XDH: variants seen among roughly 807,000 people sequenced by gnomAD.
The protein encoded by XDH is xanthine dehydrogenase/oxidase.
A neutral mutation model predicts 156.1 loss-of-function variants in XDH; 138 were observed. The observed-to-expected ratio is 0.88, with a 90% CI of 0.77 to 1.02. The LOEUF is 1.02. Ranked by LOEUF, XDH falls within the 50% of genes least tolerant of loss-of-function variation. XDH has a pLI of 0.00. For synonymous variants in XDH, 669 were observed against 625.7 expected (o/e 1.07, Z -1.03); for missense variants, 1,849 against 1,684.9 (o/e 1.10, Z -1.71).
rs760391595 is a variant in XDH at position 31,335,324 on chromosome 2, T to C, written c.*634A>G. 2.6e-5 allele frequency: 4 copies of C among 155,960 alleles called. No individual in the cohort carries two copies. The highest frequency in any genetic ancestry group is 1.9e-4 in the South Asian group (1 of 5,190). The allele number at this position is 155,960 out of a possible 1,614,324, so 9.7% of individuals were successfully genotyped here. ...CTAGAACATTGTACGTGCTCAATAA[T>C]TGAGTTGGTTGGATTTTTGTATTAT... is the stretch of plus-strand genomic sequence containing the variant. On this transcript the variant is annotated 3_prime_UTR_variant, in exon 36 of 36. Transcript: ENST00000379416.
Position 31,349,542 on chromosome 2 carries a change from A to G in XDH, c.2969+144T>C, listed in dbSNP as rs1422135952. On this transcript the variant is annotated intron_variant, in intron 26 of 35. Coordinates refer to ENST00000379416, the MANE Select transcript of XDH (RefSeq NM_000379.4). Reference sequence around the variant, plus strand: ...GGGCTGAAGATCATTATAAGATCTTAAAGAGATGGCTGTGAATGAGTTGGC... The same window carrying G: ...GGGCTGAAGATCATTATAAGATCTTGAAGAGATGGCTGTGAATGAGTTGGC... 6.6e-6 allele frequency: 8 copies of G among 1,217,152 alleles called. No homozygotes were observed. In the African/African-American group the frequency reaches 1.2e-4, roughly 18 times the overall value. The allele number at this position is 1,217,152 out of a possible 1,614,324, so 75.4% of individuals were successfully genotyped here.
intron 6 of XDH, among the ~76,000 whole-genome samples, chr2:31,397,164 A>C (rs1309595523): frequency 6.6e-6 from 1 of 152,222 alleles, no homozygotes; most frequent in East Asian, 1.9e-4. Flanking sequence ...TCTCACTCAG[A>C]GTTATATGAA....
chr2:31,387,940 T>C, intron 7 of XDH, 43 bp from the exon 8 acceptor site: 1 of 1,539,128 alleles, frequency 6.5e-7, no homozygotes, highest in Non-Finnish European at 8.8e-7. Flanking sequence ...TATCTCCTCC[T>C]TTCAAACACC....
At chr2:31,376,753 A>G (rs1686255004) in intron 14 of XDH, among the ~76,000 whole-genome samples, 1 of 145,938 alleles carries the variant, frequency 6.9e-6, no homozygotes, top group Non-Finnish European at 1.5e-5. Context: ...AGTAGTAGCA[A>G]TCATAATATT....
At chr2:31,352,812 G>T (rs1015408545) in intron 24 of XDH, among the ~76,000 whole-genome samples, 4 of 151,960 alleles carry the variant, frequency 2.6e-5, no homozygotes, top group African/African-American at 7.2e-5. Flanking sequence ...GAGCCAATTA[G>T]GCAGCCCCTA....
intron 2 of XDH, 93 bp from the exon 3 acceptor site, chr2:31,403,237 T>A: frequency 1.5e-6 from 2 of 1,369,818 alleles, no homozygotes; most frequent in Non-Finnish European, 2.0e-6. Flanking sequence ...GCAGAGCCAT[T>A]CATTCCCACA....
chr2:31,375,569 G>A lies in XDH; in HGVS notation c.1428-15C>T. ...CCTTCCAGAGCCTGCCAGAGAGCAG[G>A]GCGTGGGACAGCGCTCCCGCCCAGC... On this transcript the variant is annotated splice_polypyrimidine_tract_variant and intron_variant, in intron 14 of 35. Coordinates refer to ENST00000379416, the MANE Select transcript of XDH (RefSeq NM_000379.4). 6.2e-7 allele frequency: 1 copy of A among 1,612,116 alleles called. No individual in the cohort carries two copies. The highest frequency in any genetic ancestry group is 8.5e-7 in the Non-Finnish European group (1 of 1,179,842).
At position 31,366,996 on chromosome 2, in the gene XDH, T is replaced by G. The variant is rs1281159761; in HGVS notation, c.2198-2A>C. Reference sequence around the variant, plus strand: ...CTTGGCCACCGATGTATATCTCCCCTGGGGAAGCAGTGAGATCCCTCACAG... The same window carrying G: ...CTTGGCCACCGATGTATATCTCCCCGGGGGAAGCAGTGAGATCCCTCACAG... On this transcript the variant is annotated splice_acceptor_variant, in intron 20 of 35. Transcript: ENST00000379416. LOFTEE classifies it high-confidence loss of function. 1 of 1,614,022 alleles carries G rather than the reference T, an allele frequency of 6.2e-7. No homozygotes were observed. The highest frequency in any genetic ancestry group is 1.3e-5 in the African/African-American group (1 of 74,938).
intron 19 of XDH, among the ~76,000 whole-genome samples, 187 bp from the exon 20 acceptor site, chr2:31,368,244 C>A (rs900721717): frequency 6.6e-6 from 1 of 152,174 alleles, no homozygotes; most frequent in African/African-American, 2.4e-5. Context: ...CCTCCATTTC[C>A]TCAGCTGTAG....
At chr2:31,390,317 G>A (rs1686728041) in intron 6 of XDH, among the ~76,000 whole-genome samples, 1 of 152,160 alleles carries the variant, frequency 6.6e-6, no homozygotes, top group Non-Finnish European at 1.5e-5. Context: ...TAGCAATTAA[G>A]GTTTGTCTAT....
chr2:31,368,695 C>T, intron 18 of XDH, 35 bp from the exon 19 acceptor site: 1 of 1,614,214 alleles, frequency 6.2e-7, no homozygotes, highest in Non-Finnish European at 8.5e-7. Flanking sequence ...AGAACGCAAC[C>T]AGGCTCATGG....
At chr2:31,338,930 G>A (rs138572729) in intron 34 of XDH, among the ~76,000 whole-genome samples, 3,009 of 151,724 alleles carry the variant, frequency 0.02, 92 homozygotes, top group African/African-American at 0.069. Context: ...TTGCCATGTT[G>A]CCCAGGCTGG....
At position 31,372,385 on chromosome 2, in the gene XDH, C is replaced by A; in HGVS notation, c.1699G>T (p.Gly567Cys). ...CCCACCATGTCCTCCTCAGACTGAC[C>A]CTTGGGCACCTCCTGGAATGACAGG... is the stretch of plus-strand genomic sequence containing the variant. ...DVQLFQEVPK[G>C]QSEEDMVGRP... The change falls in exon 17 of 36, where the codon GGT (glycine) becomes TGT (cysteine). Residue 567 changes from glycine (G) to cysteine (C), a missense_variant. Physicochemically the swap from Gly to Cys is radical, Grantham distance 159. Transcript: ENST00000379416. 4 of 1,614,058 alleles carry A rather than the reference C, an allele frequency of 2.5e-6. No individual in the cohort carries two copies.
At chr2:31,412,634 T>TA (rs995853333) in intron 1 of XDH, among the ~76,000 whole-genome samples, 10 of 150,966 alleles carry the variant, frequency 6.6e-5, no homozygotes, top group South Asian at 2.1e-4. Flanking sequence ...AGTATAATAA[T>TA]AAAAAAAAAG....
chr2:31,400,283 G>A (rs911831633), intron 4 of XDH, among the ~76,000 whole-genome samples: 2 of 144,896 alleles, frequency 1.4e-5, no homozygotes, highest in African/African-American at 2.6e-5. Context: ...CTGTCGCCCA[G>A]GCTGGAGTCC....
chr2:31,356,911 T>G (rs759397178), intron 24 of XDH, among the ~76,000 whole-genome samples: 1 of 151,916 alleles, frequency 6.6e-6, no homozygotes, highest in South Asian at 2.1e-4. Context: ...AAACTAGAAA[T>G]CAATAGAAAG....
At chr2:31,354,804 A>T (rs180940144) in intron 24 of XDH, among the ~76,000 whole-genome samples, 82 of 152,304 alleles carry the variant, frequency 5.4e-4, no homozygotes, top group Admixed American at 1.5e-3. Context: ...ATAACAAAAG[A>T]CCTAACACTC....
At position 31,404,047 on chromosome 2, in the gene XDH, G is replaced by A. The variant is rs934585596; in HGVS notation, c.101-903C>T. Among the ~76,000 whole-genome samples the A allele has an allele frequency of 4.7e-4, 72 of 151,970 alleles. 1 individual carries two copies. Among genetic ancestry groups the A allele is most frequent in the Admixed American group, 2.6e-4 (4 of 15,262 alleles). ...CCTGTTTGACCTCCAGAATGATTTG[G>A]TTAGCAGGTAGGAAAGAAACTTCCT... On this transcript the variant is annotated intron_variant, in intron 2 of 35. Transcript: ENST00000379416.
intron 19 of XDH, 94 bp from the exon 20 acceptor site, chr2:31,368,151 A>C (rs1422637231): frequency 8.7e-7 from 1 of 1,143,772 alleles, no homozygotes. Context: ...TGAATTGTTG[A>C]CTCTCTCTTT....
Sources: gnomAD v4.1 joint callset for allele counts (sites outside exome capture counted in the v4.1 genomes callset) on GRCh38, gnomAD v4.1.1 for gene constraint, MANE v1.5 for transcripts, NCBI Gene and HGNC (gene_info 2026-07-23, HGNC 2026-07-21) for gene names.